The following SOCS7 variants were observed in gnomAD, a reference collection of about 807,000 sequenced individuals.
SOCS7 encodes NAP-4.
A neutral mutation model predicts 58.9 loss-of-function variants in SOCS7; 18 were observed. That is an observed-to-expected ratio of 0.31 (90% CI 0.21 to 0.45). The LOEUF (loss-of-function observed/expected upper bound fraction) is 0.45. Ranked by LOEUF, SOCS7 falls within the 20% of genes least tolerant of loss-of-function variation. The pLI, the probability that SOCS7 is intolerant of heterozygous loss-of-function variation, is 1.00. For missense variants in SOCS7, 667 were observed against 837.3 expected, an observed-to-expected ratio of 0.80 and a Z score of 2.51; for synonymous variants, 388 against 364.3, an observed-to-expected ratio of 1.06 and a Z score of -0.74.
At position 38,365,992 on chromosome 17, in the gene SOCS7, G is replaced by A. The variant is rs369150631; in HGVS notation, c.1253-295G>A. 15 of 1,149,102 alleles carry A rather than the reference G, an allele frequency of 1.3e-5. No homozygotes were observed. In the African/African-American group the frequency reaches 1.6e-4, roughly 12 times the overall value. 71.2% of individuals were successfully genotyped at this position (1,149,102 alleles called of 1,614,324 possible). ...CTTCGAGGTGGGAGAAGTTGGAATC[G>A]CTCTAGGCTGGTGAAGCCCCTGAAG... On this transcript the variant is annotated intron_variant, in intron 4 of 9. Coordinates refer to ENST00000612932, the MANE Select transcript of SOCS7 (RefSeq NM_014598.4).
chr17:38,393,532 G>A (rs958526232), intron 7 of SOCS7, among the ~76,000 whole-genome samples: 2 of 152,092 alleles, frequency 1.3e-5, no homozygotes, highest in Admixed American at 1.3e-4. Flanking sequence ...AGCTACTCGA[G>A]AGGCTAAGGC....
chr17:38,359,721 T>C (rs1555567293), intron 1 of SOCS7, among the ~76,000 whole-genome samples: 2 of 150,968 alleles, frequency 1.3e-5, no homozygotes, highest in African/African-American at 4.9e-5. Context: ...TAGGATTTTC[T>C]TTAAGTCTGT....
rs569145643 is a variant in SOCS7, at chr17:38,384,782, A to G, written c.1681+6940A>G. Among the ~76,000 whole-genome samples, 6 of 150,394 alleles carry G rather than the reference A, an allele frequency of 4.0e-5. No homozygotes were observed. The East Asian group carries it at 1.2e-3, about 30-fold the overall frequency. On this transcript the variant is annotated intron_variant, in intron 7 of 9. Coordinates refer to ENST00000612932, the MANE Select transcript of SOCS7 (RefSeq NM_014598.4). ...TAATTTTTTAATTTTTAGTAGAGGCAGGGTTTTACCATGTTGGTCAGGCTT... is the reference window on the plus strand; with the variant it reads ...TAATTTTTTAATTTTTAGTAGAGGCGGGGTTTTACCATGTTGGTCAGGCTT...
intron 7 of SOCS7, among the ~76,000 whole-genome samples, chr17:38,379,621 G>T (rs182967450): frequency 6.6e-6 from 1 of 152,202 alleles, no homozygotes; most frequent in East Asian, 1.9e-4. Context: ...AGAAGACTAG[G>T]AACAGGTTGA....
intron 7 of SOCS7, among the ~76,000 whole-genome samples, chr17:38,385,410 G>A (rs1245577665): frequency 1.3e-5 from 2 of 150,388 alleles, no homozygotes; most frequent in Non-Finnish European, 3.0e-5. Context: ...GGGGAGCAGC[G>A]TGACAGCATT....
chr17:38,352,735 T>C lies in SOCS7; in HGVS notation c.683T>C (p.Phe228Ser), dbSNP rs1328533086. ...GGCCCTGAATTACCTCCGGTGCCCTTCCCGCTGCAGGACTTGGTCCCTCTG... is the reference window on the plus strand; with the variant it reads ...GGCCCTGAATTACCTCCGGTGCCCTCCCCGCTGCAGGACTTGGTCCCTCTG... ...PPGPELPPVP[F>S]PLQDLVPLGR... The change falls in exon 1 of 10, where the codon TTC (phenylalanine) becomes TCC (serine). Residue 228 changes from phenylalanine (F) to serine (S), a missense_variant. Transcript: ENST00000612932. This position sits in a 1 kb window ranked among gnomAD's most constrained non-coding sequence, Gnocchi z 5.5. 3 of 1,549,942 alleles carry C rather than the reference T, an allele frequency of 1.9e-6. No homozygotes were observed. In the Admixed American group the frequency reaches 5.9e-5, roughly 30 times the overall value.
At chr17:38,371,478 C>T (rs1210038686) in intron 6 of SOCS7, among the ~76,000 whole-genome samples, 1 of 151,308 alleles carries the variant, frequency 6.6e-6, no homozygotes, top group Non-Finnish European at 1.5e-5. Flanking sequence ...CCATGTTGGC[C>T]AGGTTGGCCT....
intron 2 of SOCS7, 140 bp from the exon 3 acceptor site, chr17:38,364,612 G>A: frequency 1.5e-6 from 1 of 668,400 alleles, no homozygotes; most frequent in East Asian, 2.6e-5. Flanking sequence ...GGTGATTTCA[G>A]CCCTGGGGGC....
intron 7 of SOCS7, among the ~76,000 whole-genome samples, chr17:38,386,433 G>A (rs748016770): frequency 6.6e-6 from 1 of 151,608 alleles, no homozygotes; most frequent in African/African-American, 2.4e-5. Context: ...CTGCACTCCA[G>A]CCTGGGTGAC....
intron 6 of SOCS7, among the ~76,000 whole-genome samples, chr17:38,370,299 C>T (rs2037845885): frequency 6.6e-6 from 1 of 151,876 alleles, no homozygotes. Flanking sequence ...CACCTGGCCA[C>T]CAGTTACTTT....
intron 6 of SOCS7, among the ~76,000 whole-genome samples, chr17:38,375,585 C>CT: frequency 6.6e-6 from 1 of 152,014 alleles, no homozygotes; most frequent in Admixed American, 6.6e-5. Flanking sequence ...ATTGGTAAGG[C>CT]TTTCAGTCAA....
At chr17:38,358,782 C>A (rs1374603195) in intron 1 of SOCS7, among the ~76,000 whole-genome samples, 1 of 152,150 alleles carries the variant, frequency 6.6e-6, no homozygotes, top group Non-Finnish European at 1.5e-5. Context: ...AAGCATCCAG[C>A]CATGAGGCCC....
chr17:38,383,691 C>T (rs566727677), intron 7 of SOCS7, among the ~76,000 whole-genome samples: 1 of 152,110 alleles, frequency 6.6e-6, no homozygotes, highest in South Asian at 2.1e-4. Flanking sequence ...ATTATAGGCG[C>T]CCACCATCAC....
At chr17:38,384,071 AC>A (rs1297762679) in intron 7 of SOCS7, among the ~76,000 whole-genome samples, 1 of 151,212 alleles carries the variant, frequency 6.6e-6, no homozygotes. Context: ...TGGCTGCATG[AC>A]CCCCTTTAGC....
Position 38,352,485 on chromosome 17 carries a change from T to C in SOCS7, c.433T>C (p.Cys145Arg). Residue 145 changes from cysteine to arginine, a missense_variant, in exon 1 of 10, where the codon TGC becomes CGC. Cys to Arg is a radical substitution (Grantham distance 180). Transcript: ENST00000612932. The surrounding 1 kb of genome is among the most constrained non-coding windows in gnomAD (Gnocchi z 5.5). Reference protein sequence around the residue: ...PGVKTVGGGCCPCPCPPQPPP... With the variant: ...PGVKTVGGGCRPCPCPPQPPP... Reference sequence around the variant, plus strand: ...GGTCAAGACAGTCGGTGGGGGTTGCTGCCCGTGTCCGTGTCCTCCTCAGCC... The same window carrying C: ...GGTCAAGACAGTCGGTGGGGGTTGCCGCCCGTGTCCGTGTCCTCCTCAGCC... The C allele has an allele frequency of 6.6e-7, 1 of 1,526,246 alleles. No individual in the cohort carries two copies. The highest frequency in any genetic ancestry group is 1.4e-5 in the African/African-American group (1 of 72,424). 94.5% of individuals were successfully genotyped at this position (1,526,246 alleles called of 1,614,324 possible). A position where few individuals can be genotyped will look rare whatever the true frequency, so the allele number is the denominator to read the frequency against.
chr17:38,375,586 T>C (rs2144355899), intron 6 of SOCS7, among the ~76,000 whole-genome samples: 1 of 152,302 alleles, frequency 6.6e-6, no homozygotes, highest in African/African-American at 2.4e-5. Context: ...TTGGTAAGGC[T>C]TTCAGTCAAC....
chr17:38,383,143 A>T (rs761314742), intron 7 of SOCS7, among the ~76,000 whole-genome samples: 2 of 152,170 alleles, frequency 1.3e-5, no homozygotes, highest in East Asian at 3.9e-4. Context: ...GTGCTACCCC[A>T]GGTCCTGCCA....
At position 38,377,831 on chromosome 17, in the gene SOCS7, C is replaced by T; in HGVS notation, c.1670C>T (p.Ser557Phe). ...KNGKFLYFLRSRVPGLPPTPV... is the reference protein window; with the variant it reads ...KNGKFLYFLRFRVPGLPPTPV... ...GGAAAGTTTCTCTATTTCTTAAGATCCAGGGTTCCAGGTAAGGCTGTACTT... is the reference window on the plus strand; with the variant it reads ...GGAAAGTTTCTCTATTTCTTAAGATTCAGGGTTCCAGGTAAGGCTGTACTT... The change falls in exon 7 of 10, where the codon TCC becomes TTC. Residue 557 changes from serine to phenylalanine, a missense_variant. Physicochemically the swap from Ser to Phe is radical, Grantham distance 155. Around this residue, in one of 9 missense-constraint regions of SOCS7, gnomAD observed 76 missense variants for 194.5 expected, o/e 0.39. Coordinates refer to ENST00000612932, the MANE Select transcript of SOCS7 (RefSeq NM_014598.4). 6.2e-7 allele frequency: 1 copy of T among 1,613,170 alleles called. No individual in the cohort carries two copies. The highest frequency in any genetic ancestry group is 1.1e-5 in the South Asian group (1 of 90,866).
At chr17:38,387,549 T>G (rs2038091690) in intron 7 of SOCS7, among the ~76,000 whole-genome samples, 1 of 140,528 alleles carries the variant, frequency 7.1e-6, no homozygotes, top group South Asian at 2.1e-4. Context: ...ATATAGTATA[T>G]ATATACACAA....
Sources: gnomAD v4.1 joint callset for allele counts (sites outside exome capture counted in the v4.1 genomes callset) on GRCh38, gnomAD v4.1.1 for gene constraint, gnomAD v4.1.1 regional missense constraint, Gnocchi (gnomAD v3.1) non-coding constraint, MANE v1.5 for transcripts, NCBI Gene and HGNC (gene_info 2026-07-23, HGNC 2026-07-21) for gene names.